Variants in CACNA1G observed in about 807,000 individuals in gnomAD.
The protein encoded by CACNA1G is calcium voltage-gated channel subunit alpha1 G, also known as voltage-dependent T-type calcium channel subunit alpha-1G.
Under a neutral mutation model 219.4 loss-of-function variants are expected in CACNA1G, and 67 were observed. The observed-to-expected ratio is 0.31, with a 90% CI of 0.25 to 0.37. The LOEUF (loss-of-function observed/expected upper bound fraction) is 0.37, where lower values mean the gene tolerates loss of function less well. Ranked by LOEUF, CACNA1G falls within the 10% of genes least tolerant of loss-of-function variation. The pLI, the probability that CACNA1G is intolerant of heterozygous loss-of-function variation, is 1.00. For missense variants in CACNA1G, 2,380 were observed against 3,231.4 expected, an observed-to-expected ratio of 0.74 and a Z score of 6.39; for synonymous variants, 1,296 against 1,345.3, an observed-to-expected ratio of 0.96 and a Z score of 0.80.
chr17:50,625,715 T>G (rs1359374603), intron 37 of CACNA1G, among the ~76,000 whole-genome samples: 2 of 152,140 alleles, frequency 1.3e-5, no homozygotes, highest in African/African-American at 2.4e-5. Context: ...AGAGATGGCC[T>G]GGCTTCTCTC....
intron 7 of CACNA1G, among the ~76,000 whole-genome samples, chr17:50,573,980 C>T (rs2040029623): frequency 6.6e-6 from 1 of 152,204 alleles, no homozygotes; most frequent in Non-Finnish European, 1.5e-5. Flanking sequence ...CTGACCCTAC[C>T]AGACGCTTTG....
chr17:50,603,644 T>A lies in CACNA1G; in HGVS notation c.4169+445T>A, dbSNP rs148551126. ...TGCCAGTGACCACCCCCCGGTGACA[T>A]TTCTCCTGACCAGGGATCCACCCTC... is the stretch of plus-strand genomic sequence containing the variant. On this transcript the variant is annotated intron_variant, in intron 21 of 37. Transcript: ENST00000359106. This position sits in a 1 kb window ranked among gnomAD's most constrained non-coding sequence, Gnocchi z 6.4. 2.5e-3 allele frequency among the ~76,000 whole-genome samples: 375 copies of A among 150,084 alleles called. 1 individual carries two copies. The highest frequency in any genetic ancestry group is 4.0e-3 in the Non-Finnish European group (273 of 67,622).
chr17:50,575,472 C>T lies in CACNA1G; in HGVS notation c.1141-71C>T, dbSNP rs16949166. ...GGCGCTTGGCTCATAGGAATGCCTCCGTATGTGGTGGCTGGCATTGTGATT... is the reference window on the plus strand; with the variant it reads ...GGCGCTTGGCTCATAGGAATGCCTCTGTATGTGGTGGCTGGCATTGTGATT... On this transcript the variant is annotated intron_variant, in intron 7 of 37. Transcript: ENST00000359106. 0.49 allele frequency: 709,179 copies of T among 1,452,316 alleles called. 179,907 individuals are homozygous for T. The highest frequency in any genetic ancestry group is 0.93 in the East Asian group (38,839 of 41,600). The allele number at this position is 1,452,316 out of a possible 1,614,324, so 90.0% of individuals were successfully genotyped here. A position where few individuals can be genotyped will look rare whatever the true frequency, so the allele number is the denominator to read the frequency against.
At chr17:50,623,091 CT>C (rs35688516) in intron 35 of CACNA1G, among the ~76,000 whole-genome samples, 14,898 of 79,214 alleles carry the variant, frequency 0.19, 851 homozygotes, top group East Asian at 0.59. Context: ...CTGCTGTTGG[CT>C]TTTTTTTTTT....
intron 9 of CACNA1G, among the ~76,000 whole-genome samples, chr17:50,579,108 G>A (rs1330565500): frequency 1.3e-5 from 2 of 152,154 alleles, no homozygotes; most frequent in Non-Finnish European, 2.9e-5. Context: ...TCTGGGAGCC[G>A]TGCTGTGAAC....
intron 16 of CACNA1G, 131 bp downstream of exon 16, chr17:50,597,054 T>C (rs2045714573): frequency 2.3e-6 from 2 of 885,716 alleles, no homozygotes; most frequent in East Asian, 2.7e-5. Flanking sequence ...TGGGTGTGCC[T>C]GGACAAGCCC....
At position 50,606,048 on chromosome 17, in the gene CACNA1G, G is replaced by T. The variant is rs60854730; in HGVS notation, c.4422+25G>T. On this transcript the variant is annotated intron_variant, in intron 23 of 37. Transcript: ENST00000359106. ...GGTGAGCCCCAGGCTCAGAGGTGGGGCTGTGGTGAAGGAGGCTGGAGGGGG... is the reference window on the plus strand; with the variant it reads ...GGTGAGCCCCAGGCTCAGAGGTGGGTCTGTGGTGAAGGAGGCTGGAGGGGG... 1.2e-6 allele frequency: 2 copies of T among 1,613,774 alleles called. No homozygotes were observed. The highest frequency in any genetic ancestry group is 1.7e-6 in the Non-Finnish European group (2 of 1,179,814).
At position 50,596,750 on chromosome 17, in the gene CACNA1G, C is replaced by T. The variant is rs771435568; in HGVS notation, c.3085C>T (p.Pro1029Ser). 6.2e-7 allele frequency: 1 copy of T among 1,613,414 alleles called. No homozygotes were observed. Among genetic ancestry groups the T allele is most frequent in the South Asian group, 1.1e-5 (1 of 91,038 alleles). ...TGCAGTGGTGTCCCTGGGAGAGCACCCGGAGCTGCGGAAGAGCCTGCTGCC... is the reference window on the plus strand; with the variant it reads ...TGCAGTGGTGTCCCTGGGAGAGCACTCGGAGCTGCGGAAGAGCCTGCTGCC... ...CLALVSLGEH[P>S]ELRKSLLPPL... Residue 1029 changes from proline (P) to serine (S), a missense_variant, in exon 16 of 38, where the codon CCG becomes TCG. Pro to Ser is a moderately conservative substitution (Grantham distance 74). Coordinates refer to ENST00000359106, the MANE Select transcript of CACNA1G (RefSeq NM_018896.5). This position sits in a 1 kb window ranked among gnomAD's most constrained non-coding sequence, Gnocchi z 4.8.
At chr17:50,616,524 G>A (rs1029909993) in intron 28 of CACNA1G, 140 bp downstream of exon 28, 5 of 550,882 alleles carry the variant, frequency 9.1e-6, no homozygotes, top group Non-Finnish European at 1.6e-5. Context: ...GGCTGACGTA[G>A]GGGACTAGGG....
rs1397771865 is a variant in CACNA1G at position 50,560,991 on chromosome 17, G to T, written c.-469G>T. On this transcript the variant is annotated 5_prime_UTR_variant, in exon 1 of 38. Coordinates refer to ENST00000359106, the MANE Select transcript of CACNA1G (RefSeq NM_018896.5). The stretch of plus-strand genomic sequence containing the variant: ...CCTCCCCTCCCCCGCCGCCTGGCGC[G>T]GAGCCGGGACGATGCTGACCCCTTA... 10 of 249,686 alleles carry T rather than the reference G, an allele frequency of 4.0e-5. No individual in the cohort carries two copies. 15.5% of individuals were successfully genotyped at this position (249,686 alleles called of 1,614,324 possible). A position where few individuals can be genotyped will look rare whatever the true frequency, so the allele number is the denominator to read the frequency against.
chr17:50,600,721 T>C lies in CACNA1G; in HGVS notation c.3691-5T>C. ...CCTGCTCATACTCCAGTGTTTGTTCTGCAGAGCAAAGGGGAACGGGTCCGC... is the reference window on the plus strand; with the variant it reads ...CCTGCTCATACTCCAGTGTTTGTTCCGCAGAGCAAAGGGGAACGGGTCCGC... On this transcript the variant is annotated splice_polypyrimidine_tract_variant and splice_region_variant and intron_variant, in intron 17 of 37. Transcript: ENST00000359106. The surrounding 1 kb of genome is among the most constrained non-coding windows in gnomAD (Gnocchi z 4.1). 1 of 1,613,550 alleles carries C rather than the reference T, an allele frequency of 6.2e-7. No homozygotes were observed. Among genetic ancestry groups the C allele is most frequent in the Non-Finnish European group, 8.5e-7 (1 of 1,179,584 alleles).
chr17:50,624,418 C>T lies in CACNA1G; in HGVS notation c.6288C>T (p.Pro2096=). ...ATACCAGCTACATCCTGCAGCTTCC[C>T]AAAGATGCACCTCATCTGCTCCAGC... ...PADTSYILQL[P]KDAPHLLQPH... The change falls in exon 37 of 38, where the codon CCC becomes CCT. Residue 2096 remains proline (P), a synonymous_variant. Transcript: ENST00000359106. 2 of 1,600,268 alleles carry T rather than the reference C, an allele frequency of 1.2e-6. No homozygotes were observed. The highest frequency in any genetic ancestry group is 8.5e-7 in the Non-Finnish European group (1 of 1,174,056).
intron 10 of CACNA1G, among the ~76,000 whole-genome samples, chr17:50,591,063 C>T (rs1293770484): frequency 6.6e-6 from 1 of 152,050 alleles, no homozygotes; most frequent in African/African-American, 2.4e-5. Context: ...GGAAAGTGCT[C>T]CGTCCCCGCA....
chr17:50,566,081 C>T (rs934940343), intron 1 of CACNA1G, among the ~76,000 whole-genome samples: 1 of 152,182 alleles, frequency 6.6e-6, no homozygotes, highest in African/African-American at 2.4e-5. Context: ...TTTCCCCCAA[C>T]CTGATAACCT....
chr17:50,602,507 G>T (rs1490113509), intron 19 of CACNA1G, among the ~76,000 whole-genome samples: 1 of 152,226 alleles, frequency 6.6e-6, no homozygotes, highest in Non-Finnish European at 1.5e-5. Context: ...CCAGGGAATA[G>T]GGCTTAGGAC....
Position 50,600,277 on chromosome 17 carries a change from T to C in CACNA1G, c.3690+418T>C, listed in dbSNP as rs2046361956. Reference sequence around the variant, plus strand: ...CTGCCCCAGCCCCTCATCACCACCATTCCCCCTGGGGATGGGGTGCAGTGA... The same window carrying C: ...CTGCCCCAGCCCCTCATCACCACCACTCCCCCTGGGGATGGGGTGCAGTGA... On this transcript the variant is annotated intron_variant, in intron 17 of 37. Coordinates refer to ENST00000359106, the MANE Select transcript of CACNA1G (RefSeq NM_018896.5). The surrounding 1 kb of genome is among the most constrained non-coding windows in gnomAD (Gnocchi z 4.1). Among the ~76,000 whole-genome samples, 1 of 152,110 alleles carries C rather than the reference T, an allele frequency of 6.6e-6. No homozygotes were observed. Among genetic ancestry groups the C allele is most frequent in the Non-Finnish European group, 1.5e-5 (1 of 68,000 alleles).
chr17:50,578,407 G>A lies in CACNA1G; in HGVS notation c.2144G>A (p.Ser715Asn), dbSNP rs181244511. 1 of 1,613,358 alleles carries A rather than the reference G, an allele frequency of 6.2e-7. No individual in the cohort carries two copies. The change falls in exon 9 of 38, where the codon AGC (serine) becomes AAC (asparagine). Residue 715 changes from serine to asparagine, a missense_variant. By Grantham distance (46) the Ser-to-Asn change is conservative (BLOSUM62 1). Around this residue, in one of 17 missense-constraint regions of CACNA1G, gnomAD observed 434 missense variants for 417.3 expected, o/e 1.04. Transcript: ENST00000359106. The surrounding 1 kb of genome is among the most constrained non-coding windows in gnomAD (Gnocchi z 4.5). Reference sequence around the variant, plus strand: ...GACCCCCACAGCCGGCGGCAACGGAGCCTGGGCCCAGATGCAGAGCCCAGC... The same window carrying A: ...GACCCCCACAGCCGGCGGCAACGGAACCTGGGCCCAGATGCAGAGCCCAGC... ...LRDPHSRRQRSLGPDAEPSSV... is the reference protein window; with the variant it reads ...LRDPHSRRQRNLGPDAEPSSV...
intron 5 of CACNA1G, 66 bp downstream of exon 5, chr17:50,572,103 T>G: frequency 6.6e-7 from 1 of 1,519,272 alleles, no homozygotes; most frequent in Non-Finnish European, 9.0e-7. Flanking sequence ...CCCCCCAAGT[T>G]CCTCACTTCC....
chr17:50,567,797 G>T (rs1325819002), intron 1 of CACNA1G, among the ~76,000 whole-genome samples: 1 of 152,162 alleles, frequency 6.6e-6, no homozygotes, highest in Non-Finnish European at 1.5e-5. Flanking sequence ...AGGTCCGGAG[G>T]CCGTTTTGTA....
Sources: gnomAD v4.1 joint callset for allele counts (sites outside exome capture counted in the v4.1 genomes callset) on GRCh38, gnomAD v4.1.1 for gene constraint, gnomAD v4.1.1 regional missense constraint, Gnocchi (gnomAD v3.1) non-coding constraint, MANE v1.5 for transcripts, NCBI Gene and HGNC (gene_info 2026-07-23, HGNC 2026-07-21) for gene names.